Variants in CHRM3 observed in about 807,000 individuals in gnomAD.
CHRM3 encodes the protein muscarinic acetylcholine receptor M3.
In CHRM3, 11 loss-of-function variants were observed where a neutral mutation model predicts 41.8. The observed-to-expected ratio is 0.26, with a 90% CI of 0.17 to 0.44. The LOEUF (loss-of-function observed/expected upper bound fraction) is 0.44. Among genes scored for constraint, CHRM3 ranks in the 20% least tolerant of loss-of-function variants. CHRM3 has a pLI of 1.00. For synonymous variants in CHRM3, 297 were observed against 301.4 expected, an observed-to-expected ratio of 0.99 and a Z score of 0.15; for missense variants, 571 against 745.4, an observed-to-expected ratio of 0.77 and a Z score of 2.72.
intron 1 of CHRM3, among the ~76,000 whole-genome samples, chr1:239,447,780 AAAAC>A (rs146664777): frequency 0.17 from 26,051 of 152,042 alleles, 2,513 homozygotes; most frequent in Non-Finnish European, 0.2. Flanking sequence ...CTGTCTCAAA[AAAAC>A]AAACAAACAA....
intron 5 of CHRM3, among the ~76,000 whole-genome samples, chr1:239,768,492 A>G (rs957390742): frequency 1.3e-4 from 3 of 23,904 alleles, no homozygotes; most frequent in African/African-American, 2.1e-4. Flanking sequence ...CATGGTGAAA[A>G]TAAACATGGT....
chr1:239,505,307 T>C (rs1668498232), intron 2 of CHRM3, among the ~76,000 whole-genome samples: 1 of 148,328 alleles, frequency 6.7e-6, no homozygotes, highest in Non-Finnish European at 1.5e-5. Context: ...ATGATGATGA[T>C]TGATATGGTT....
intron 1 of CHRM3, among the ~76,000 whole-genome samples, chr1:239,396,153 T>G (rs1473417703): frequency 6.6e-6 from 1 of 152,200 alleles, no homozygotes; most frequent in African/African-American, 2.4e-5. Context: ...TGTTACTCTA[T>G]CAGAATCTCA....
chr1:239,576,594 GCACACACACACA>G (rs3063538), intron 3 of CHRM3, among the ~76,000 whole-genome samples: 11 of 141,680 alleles, frequency 7.8e-5, no homozygotes, highest in East Asian at 4.2e-4. Flanking sequence ...ACACACACAC[GCACACACACACA>G]CACACACACA....
intron 3 of CHRM3, among the ~76,000 whole-genome samples, chr1:239,560,650 T>A (rs950385581): frequency 6.6e-6 from 1 of 152,130 alleles, no homozygotes; most frequent in Non-Finnish European, 1.5e-5. Flanking sequence ...TCATTCTGTA[T>A]TGCAACTTTA....
At chr1:239,418,019 T>G (rs1413141484) in intron 1 of CHRM3, among the ~76,000 whole-genome samples, 1 of 152,210 alleles carries the variant, frequency 6.6e-6, no homozygotes, top group African/African-American at 2.4e-5. Flanking sequence ...TAGTGCCGGG[T>G]CTTTTAACTC....
chr1:239,653,642 C>T (rs773096291), intron 4 of CHRM3, among the ~76,000 whole-genome samples: 3 of 152,116 alleles, frequency 2.0e-5, no homozygotes, highest in African/African-American at 4.8e-5. Context: ...AGCATTCTGC[C>T]GTTTACCTTA....
rs112501601 is a variant in CHRM3 at position 239,666,471 on chromosome 1, C to G, written c.-249-11715C>G. 9.1e-4 allele frequency among the ~76,000 whole-genome samples: 139 copies of G among 152,108 alleles called. 1 individual carries two copies. Among genetic ancestry groups the G allele is most frequent in the African/African-American group, 3.3e-3 (137 of 41,496 alleles). The stretch of plus-strand genomic sequence containing the variant: ...CCTCCCAAAGTGCTCGGATTACAGG[C>G]GTGAGTCACCGAGCCCGGCCTGTTA... On this transcript the variant is annotated intron_variant, in intron 4 of 6. Transcript: ENST00000676153.
At chr1:239,606,421 G>T (rs6429141) in intron 3 of CHRM3, among the ~76,000 whole-genome samples, 4,319 of 151,594 alleles carry the variant, frequency 0.028, 215 homozygotes, top group African/African-American at 0.1. Flanking sequence ...GACTACAGGC[G>T]CCCACCAGCA....
chr1:239,596,650 A>T (rs1664814480), intron 3 of CHRM3, among the ~76,000 whole-genome samples: 1 of 152,108 alleles, frequency 6.6e-6, no homozygotes, highest in South Asian at 2.1e-4. Context: ...CAGAGAATGG[A>T]CTCTAGTTTC....
chr1:239,792,821 G>T (rs1266199572), intron 5 of CHRM3, among the ~76,000 whole-genome samples: 1 of 152,178 alleles, frequency 6.6e-6, no homozygotes, highest in African/African-American at 2.4e-5. Context: ...AAATTATGTT[G>T]TCTTCAATAA....
intron 5 of CHRM3, among the ~76,000 whole-genome samples, chr1:239,752,689 G>A (rs918567573): frequency 3.9e-5 from 6 of 152,040 alleles, no homozygotes; most frequent in East Asian, 1.9e-4. Context: ...TGTGACAAAC[G>A]ACTGTCATAT....
At chr1:239,813,723 C>A (rs535154737) in intron 5 of CHRM3, among the ~76,000 whole-genome samples, 1 of 129,388 alleles carries the variant, frequency 7.7e-6, no homozygotes, top group South Asian at 2.5e-4. Flanking sequence ...CGAGACCATC[C>A]TGGCTAACAC....
intron 3 of CHRM3, among the ~76,000 whole-genome samples, chr1:239,604,034 C>A (rs1665932771): frequency 6.6e-6 from 1 of 152,076 alleles, no homozygotes; most frequent in South Asian, 2.1e-4. Context: ...GAAGGGGATT[C>A]ATAAAATGTG....
Position 239,904,088 on chromosome 1 carries a change from A to G in CHRM3, c.-19-3345A>G, listed in dbSNP as rs1032057314. 7.2e-5 allele frequency among the ~76,000 whole-genome samples: 11 copies of G among 152,230 alleles called. 1 individual carries two copies. The highest frequency in any genetic ancestry group is 4.6e-4 in the Admixed American group (7 of 15,280). On this transcript the variant is annotated intron_variant, in intron 6 of 6. Transcript: ENST00000676153. ...TTTATAATAAAACCAGCATGGCATA[A>G]GTCCTGAAAATGGGGCTACAGGACA...
At chr1:239,718,050 A>G (rs1305968049) in intron 5 of CHRM3, among the ~76,000 whole-genome samples, 4 of 152,028 alleles carry the variant, frequency 2.6e-5, no homozygotes, top group Non-Finnish European at 4.4e-5. Context: ...CAGAATCCTC[A>G]TGTTACCGTT....
intron 1 of CHRM3, among the ~76,000 whole-genome samples, chr1:239,468,792 C>T (rs1332372158): frequency 6.6e-6 from 1 of 152,040 alleles, no homozygotes; most frequent in Non-Finnish European, 1.5e-5. Flanking sequence ...TCAGCGTGAC[C>T]CTGAACTCCA....
At chr1:239,488,776 T>TTGATACAG (rs1180653289) in intron 1 of CHRM3, among the ~76,000 whole-genome samples, 1 of 145,282 alleles carries the variant, frequency 6.9e-6, no homozygotes, top group Non-Finnish European at 1.5e-5. Flanking sequence ...TTTGTAGATG[T>TTGATACAG]TGATACAGGT....
rs1319839762 is a variant in CHRM3 at position 239,744,836 on chromosome 1, A to G, written c.-147+66548A>G. 3.3e-5 allele frequency among the ~76,000 whole-genome samples: 5 copies of G among 152,114 alleles called. No homozygotes were observed. In the East Asian group the frequency reaches 9.7e-4, roughly 29 times the overall value. ...AAAGCTGCAGCAGCTCAGAGAGGGA[A>G]GAGAATAACAGACTTTTGGGGAGTT... On this transcript the variant is annotated intron_variant, in intron 5 of 6. Coordinates refer to ENST00000676153, the MANE Select transcript of CHRM3 (RefSeq NM_001375978.1).
Sources: gnomAD v4.1 joint callset for allele counts (sites outside exome capture counted in the v4.1 genomes callset) on GRCh38, gnomAD v4.1.1 for gene constraint, MANE v1.5 for transcripts, NCBI Gene and HGNC (gene_info 2026-07-23, HGNC 2026-07-21) for gene names.